Variants in KIF26B observed in about 807,000 individuals in gnomAD.
KIF26B encodes the protein kinesin-like protein KIF26B.
A neutral mutation model predicts 151.2 loss-of-function variants in KIF26B; 63 were observed. That is an observed-to-expected ratio of 0.42 (90% CI 0.34 to 0.51). KIF26B has a LOEUF of 0.51. KIF26B is among the 20% of genes least tolerant of loss of function. The pLI is 0.07. For synonymous variants in KIF26B, 1,357 were observed against 1,262.1 expected (o/e 1.08, Z -1.59); for missense variants, 2,813 against 2,913.6 (o/e 0.97, Z 0.79).
chr1:245,602,842 A>T lies in KIF26B; in HGVS notation c.1557+59A>T. The T allele has an allele frequency of 6.7e-7, 1 of 1,499,298 alleles. No individual in the cohort carries two copies. Among genetic ancestry groups the T allele is most frequent in the Non-Finnish European group, 9.3e-7 (1 of 1,077,388 alleles). 92.9% of individuals were successfully genotyped at this position (1,499,298 alleles called of 1,614,324 possible). On this transcript the variant is annotated intron_variant, in intron 6 of 14. Coordinates refer to ENST00000407071, the MANE Select transcript of KIF26B (RefSeq NM_018012.4). The surrounding 1 kb of genome is among the most constrained non-coding windows in gnomAD (Gnocchi z 4.5). ...GTTGATGAAAGGGCAACGTTTACTC[A>T]TTCACAAGGGCCCTTGAGCTGGGAG... is the stretch of plus-strand genomic sequence containing the variant.
chr1:245,257,499 C>T (rs532122350), intron 2 of KIF26B, among the ~76,000 whole-genome samples: 3 of 152,356 alleles, frequency 2.0e-5, no homozygotes, highest in African/African-American at 7.2e-5. Flanking sequence ...CTCAGCTCAC[C>T]TCTCAATGAG....
chr1:245,443,862 T>A, intron 4 of KIF26B, among the ~76,000 whole-genome samples: 1 of 29,790 alleles, frequency 3.4e-5, no homozygotes, highest in African/African-American at 1.5e-4. Flanking sequence ...CTGTTCACCC[T>A]GCGGTCATCT....
chr1:245,212,136 G>C (rs984177984), intron 2 of KIF26B, among the ~76,000 whole-genome samples: 1 of 152,208 alleles, frequency 6.6e-6, no homozygotes, highest in African/African-American at 2.4e-5. Flanking sequence ...AGAAGTGGGC[G>C]GTGGGGCTGG....
rs1479322928 is a variant in KIF26B at position 245,239,547 on chromosome 1, A to G, written c.465+82864A>G. ...TAGACAGAGTCTCTCTCTGTCGCCC[A>G]GGCTGGAGTGCAGTGGCGTGATCTC... On this transcript the variant is annotated intron_variant, in intron 2 of 14. Transcript: ENST00000407071. This position sits in a 1 kb window ranked among gnomAD's most constrained non-coding sequence, Gnocchi z 4.3. Among the ~76,000 whole-genome samples the G allele has an allele frequency of 6.6e-6, 1 of 152,174 alleles. No individual in the cohort carries two copies. The highest frequency in any genetic ancestry group is 1.5e-5 in the Non-Finnish European group (1 of 68,034).
intron 2 of KIF26B, among the ~76,000 whole-genome samples, chr1:245,362,965 C>T (rs959953470): frequency 2.6e-5 from 4 of 152,156 alleles, no homozygotes; most frequent in East Asian, 3.9e-4. Flanking sequence ...GTGGGCCCAT[C>T]GCTGCTCCCG....
chr1:245,609,491 G>T lies in KIF26B; in HGVS notation c.1877G>T (p.Gly626Val), dbSNP rs1203953962. 6.3e-7 allele frequency: 1 copy of T among 1,594,276 alleles called. No homozygotes were observed. Among genetic ancestry groups the T allele is most frequent in the African/African-American group, 1.3e-5 (1 of 74,792 alleles). Residue 626 changes from glycine (G) to valine (V), a missense_variant, in exon 8 of 15, where the codon GGC becomes GTC. Gly to Val is a moderately radical substitution (Grantham distance 109). Around this residue, in one of 3 missense-constraint regions of KIF26B, gnomAD observed 2,060 missense variants for 2,088.6 expected, o/e 0.99. Transcript: ENST00000407071. ...TGSLQDGQSP[G>V]VYLCEDPICG... Reference sequence around the variant, plus strand: ...AGCCTGCAGGACGGCCAGTCCCCGGGCGTGTACCTCTGTGAGGACCCCATC... The same window carrying T: ...AGCCTGCAGGACGGCCAGTCCCCGGTCGTGTACCTCTGTGAGGACCCCATC...
chr1:245,492,540 A>C (rs1392748360), intron 4 of KIF26B, among the ~76,000 whole-genome samples: 1 of 152,218 alleles, frequency 6.6e-6, no homozygotes, highest in African/African-American at 2.4e-5. Context: ...AGTTCACATG[A>C]TATTTTTAAA....
chr1:245,550,322 T>C (rs1661848759), intron 5 of KIF26B, among the ~76,000 whole-genome samples: 1 of 152,202 alleles, frequency 6.6e-6, no homozygotes, highest in African/African-American at 2.4e-5. Flanking sequence ...GTAAAATTGG[T>C]CTGTTTTCCA....
rs1385852172 is a variant in KIF26B at position 245,698,721 on chromosome 1, G to A, written c.6028-166G>A. On this transcript the variant is annotated intron_variant, in intron 13 of 14. Coordinates refer to ENST00000407071, the MANE Select transcript of KIF26B (RefSeq NM_018012.4). This position sits in a 1 kb window ranked among gnomAD's most constrained non-coding sequence, Gnocchi z 4.0. ...CTGTCATAGTCCTACCTTGTGAGGTGTCTGAATTGAGGTCTGTCAAGGGAG... is the reference window on the plus strand; with the variant it reads ...CTGTCATAGTCCTACCTTGTGAGGTATCTGAATTGAGGTCTGTCAAGGGAG... Among the ~76,000 whole-genome samples the A allele has an allele frequency of 3.3e-5, 5 of 152,182 alleles. No homozygotes were observed. The highest frequency in any genetic ancestry group is 7.3e-5 in the Non-Finnish European group (5 of 68,040).
At chr1:245,405,111 A>G (rs966570560) in intron 3 of KIF26B, among the ~76,000 whole-genome samples, 1 of 152,226 alleles carries the variant, frequency 6.6e-6, no homozygotes, top group African/African-American at 2.4e-5. Context: ...AAAGTCTGTC[A>G]TGGGTCTGGT....
At chr1:245,368,582 A>G (rs1673019232) in intron 3 of KIF26B, among the ~76,000 whole-genome samples, 1 of 151,642 alleles carries the variant, frequency 6.6e-6, no homozygotes, top group South Asian at 2.1e-4. Context: ...CTCAGACTAG[A>G]GACCTCAGGT....
At chr1:245,182,580 A>T (rs760440095) in intron 2 of KIF26B, among the ~76,000 whole-genome samples, 4 of 152,112 alleles carry the variant, frequency 2.6e-5, no homozygotes, top group Admixed American at 6.5e-5. Context: ...TTTCTTATGG[A>T]TAGATGCCTA....
chr1:245,531,272 A>C (rs1191115396), intron 4 of KIF26B, among the ~76,000 whole-genome samples: 1 of 152,234 alleles, frequency 6.6e-6, no homozygotes, highest in East Asian at 1.9e-4. Flanking sequence ...TGCCCAAATA[A>C]AATAACTGCT....
intron 9 of KIF26B, among the ~76,000 whole-genome samples, chr1:245,628,831 T>G (rs1218692651): frequency 6.6e-6 from 1 of 152,226 alleles, no homozygotes; most frequent in Non-Finnish European, 1.5e-5. Context: ...GCAGTTGACC[T>G]GATTCTATAT....
chr1:245,548,583 A>G (rs1036730694), intron 5 of KIF26B, among the ~76,000 whole-genome samples: 1 of 152,176 alleles, frequency 6.6e-6, no homozygotes, highest in Non-Finnish European at 1.5e-5. Context: ...CTCATTTTGC[A>G]TGTAAGGAAA....
At chr1:245,665,735 C>T (rs992449681) in intron 10 of KIF26B, among the ~76,000 whole-genome samples, 34 of 150,956 alleles carry the variant, frequency 2.3e-4, no homozygotes, top group Admixed American at 2.6e-4. Context: ...TTTTTTGAGA[C>T]TGAGTCTTTC....
chr1:245,630,144 T>A (rs1425034784), intron 9 of KIF26B, among the ~76,000 whole-genome samples: 1 of 151,690 alleles, frequency 6.6e-6, no homozygotes, highest in East Asian at 1.9e-4. Flanking sequence ...GGAATGTAAA[T>A]TAGTTCAACT....
chr1:245,355,684 T>C (rs1672680788), intron 2 of KIF26B, among the ~76,000 whole-genome samples: 1 of 151,940 alleles, frequency 6.6e-6, no homozygotes, highest in Non-Finnish European at 1.5e-5. Context: ...GAGAATTTGG[T>C]GAAAAGACAT....
intron 2 of KIF26B, among the ~76,000 whole-genome samples, chr1:245,363,155 A>G (rs1051154635): frequency 1.3e-5 from 2 of 152,198 alleles, no homozygotes; most frequent in Non-Finnish European, 2.9e-5. Flanking sequence ...TCAGGAAAGC[A>G]TGGTATAATT....
Sources: gnomAD v4.1 joint callset for allele counts (sites outside exome capture counted in the v4.1 genomes callset) on GRCh38, gnomAD v4.1.1 for gene constraint, gnomAD v4.1.1 regional missense constraint, Gnocchi (gnomAD v3.1) non-coding constraint, MANE v1.5 for transcripts, NCBI Gene and HGNC (gene_info 2026-07-23, HGNC 2026-07-21) for gene names.